Variants in TMPO observed in about 807,000 individuals in gnomAD.
The protein encoded by TMPO is LEM domain containing 4.
Under a neutral mutation model 45.4 loss-of-function variants are expected in TMPO, and 22 were observed. The observed-to-expected ratio is 0.48, with a 90% CI of 0.35 to 0.69. The LOEUF (loss-of-function observed/expected upper bound fraction) is 0.69, where lower values mean the gene tolerates loss of function less well. Ranked by LOEUF, TMPO falls within the 30% of genes least tolerant of loss-of-function variation. The pLI, the probability that TMPO is intolerant of heterozygous loss-of-function variation, is 0.01. For missense variants in TMPO, 512 were observed against 548.8 expected (o/e 0.93, Z 0.67); for synonymous variants, 241 against 204.1 (o/e 1.18, Z -1.54).
rs988314179 is a variant in TMPO at position 98,544,991 on chromosome 12, C to T, written c.920C>T (p.Pro307Leu). Residue 307 changes from proline to leucine, a missense_variant, in exon 7 of 9, where the codon CCT (proline) becomes CTT (leucine). Physicochemically the swap from Pro to Leu is moderately conservative, Grantham distance 98. This residue lies in a region of TMPO where 209 missense variants were observed against 235.1 expected (regional missense o/e 0.89). Coordinates refer to ENST00000556029, the MANE Select transcript of TMPO (RefSeq NM_001032283.3). ...RVTGNFKHAS[P>L]ILPITEFSDI... ...ACTGGAAATTTCAAGCATGCATCTC[C>T]TATTCTGCCAATCACTGAATTCTCA... is the stretch of plus-strand genomic sequence containing the variant. 6 of 1,613,558 alleles carry T rather than the reference C, an allele frequency of 3.7e-6. No homozygotes were observed. The African/African-American group carries it at 6.7e-5, about 18-fold the overall frequency.
At chr12:98,518,470 C>CTTTTT (rs11437786) in intron 1 of TMPO, among the ~76,000 whole-genome samples, 1,443 of 83,456 alleles carry the variant, frequency 0.017, 90 homozygotes, top group African/African-American at 0.066. Flanking sequence ...ATTTTCTAAT[C>CTTTTT]TTTTTTTTTT....
At chr12:98,532,785 G>A in intron 3 of TMPO, 1 of 1,613,942 alleles carries the variant, frequency 6.2e-7, no homozygotes. Flanking sequence ...CTCAAACACA[G>A]GTAATGCTTA....
intron 1 of TMPO, among the ~76,000 whole-genome samples, chr12:98,519,333 G>C (rs897301436): frequency 1.3e-5 from 2 of 152,106 alleles, no homozygotes; most frequent in Non-Finnish European, 2.9e-5. Flanking sequence ...CGAGTAGCTG[G>C]GATTACAGGC....
intron 3 of TMPO, among the ~76,000 whole-genome samples, chr12:98,532,662 C>A (rs1877277482): frequency 6.6e-6 from 1 of 152,082 alleles, no homozygotes; most frequent in South Asian, 2.1e-4. Flanking sequence ...TTGTTTATAT[C>A]TCAATAAGCT....
At position 98,531,715 on chromosome 12, in the gene TMPO, A is replaced by C. The variant is rs781760774; in HGVS notation, c.442A>C (p.Lys148Gln). ...GAAGCTATATGAGAAAAAGCTTTTGAAACTGAGGGAACAAGGAACAGAATC... is the reference window on the plus strand; with the variant it reads ...GAAGCTATATGAGAAAAAGCTTTTGCAACTGAGGGAACAAGGAACAGAATC... ...TRKLYEKKLL[K>Q]LREQGTESRS... Residue 148 changes from lysine to glutamine, a missense_variant, in exon 3 of 9, where the codon AAA becomes CAA. Lys to Gln is a moderately conservative substitution (Grantham distance 53). Transcript: ENST00000556029. 8.1e-6 allele frequency: 13 copies of C among 1,613,132 alleles called. No individual in the cohort carries two copies. In the South Asian group the frequency reaches 1.4e-4, roughly 18 times the overall value.
chr12:98,520,102 G>A (rs1272615573), intron 1 of TMPO, among the ~76,000 whole-genome samples: 3 of 147,910 alleles, frequency 2.0e-5, no homozygotes, highest in African/African-American at 7.5e-5. Context: ...TGGGATTACA[G>A]GTGCCCACCA....
chr12:98,544,967 C>G lies in TMPO; in HGVS notation c.896C>G (p.Thr299Ser). 6.2e-7 allele frequency: 1 copy of G among 1,612,728 alleles called. No individual in the cohort carries two copies. The highest frequency in any genetic ancestry group is 1.1e-5 in the South Asian group (1 of 91,040). ...TCTTGGCAGGTTGTCAATAGGGTGACTGGAAATTTCAAGCATGCATCTCCT... is the reference window on the plus strand; with the variant it reads ...TCTTGGCAGGTTGTCAATAGGGTGAGTGGAAATTTCAAGCATGCATCTCCT... ...SNESLVVNRV[T>S]GNFKHASPIL... Residue 299 changes from threonine (T) to serine (S), a missense_variant, in exon 7 of 9, where the codon ACT (threonine) becomes AGT (serine). Thr to Ser is a moderately conservative substitution (Grantham distance 58). Transcript: ENST00000556029.
rs794729184 is a variant in TMPO, at chr12:98,516,099, G to C, written c.232G>C (p.Gly78Arg). ...DEEREPTPVL[G>R]SGAAAAGRSR... ...AGAGCGCGAGCCCACCCCGGTCCTC[G>C]GCTCTGGGGCCGCCGCCGCGGGCCG... The change falls in exon 1 of 9, where the codon GGC becomes CGC. Residue 78 changes from glycine (G) to arginine (R), a missense_variant. Physicochemically the swap from Gly to Arg is moderately radical, Grantham distance 125. Coordinates refer to ENST00000556029, the MANE Select transcript of TMPO (RefSeq NM_001032283.3). 1.9e-6 allele frequency: 3 copies of C among 1,562,478 alleles called. No homozygotes were observed. Among genetic ancestry groups the C allele is most frequent in the Non-Finnish European group, 2.6e-6 (3 of 1,161,526 alleles).
At position 98,549,789 on chromosome 12, in the gene TMPO, T is replaced by G. The variant is rs1019776972; in HGVS notation, c.*1931T>G. 1 of 149,860 alleles carries G rather than the reference T, an allele frequency of 6.7e-6. No individual in the cohort carries two copies. The highest frequency in any genetic ancestry group is 2.4e-5 in the African/African-American group (1 of 40,850). The allele number at this position is 149,860 out of a possible 1,614,324, so 9.3% of individuals were successfully genotyped here. A position where few individuals can be genotyped will look rare whatever the true frequency, so the allele number is the denominator to read the frequency against. ...TATTCTAATATTTAGCTTTTAGATC[T>G]TTCATACACATTTTCACGTACTTTG... On this transcript the variant is annotated 3_prime_UTR_variant, in exon 9 of 9. Coordinates refer to ENST00000556029, the MANE Select transcript of TMPO (RefSeq NM_001032283.3).
At chr12:98,545,819 G>GC (rs1218846337) in intron 7 of TMPO, among the ~76,000 whole-genome samples, 1 of 151,700 alleles carries the variant, frequency 6.6e-6, no homozygotes, top group Admixed American at 6.6e-5. Flanking sequence ...TGCAACCTCC[G>GC]CCTCCTGGGT....
chr12:98,523,265 CAT>C lies in TMPO; in HGVS notation c.280-4620_280-4619del, dbSNP rs543961127. On this transcript the variant is annotated intron_variant, in intron 1 of 8. Coordinates refer to ENST00000556029, the MANE Select transcript of TMPO (RefSeq NM_001032283.3). ...TTTTTTCCTGACAGATTAAAAACCA[CAT>C]GTTTGACTGTGTGCAGTGGCTCACA... 1.4e-4 allele frequency among the ~76,000 whole-genome samples: 22 copies of C among 152,212 alleles called. No homozygotes were observed. The South Asian group carries it at 3.7e-3, about 26-fold the overall frequency.
chr12:98,545,031 A>G lies in TMPO; in HGVS notation c.960A>G (p.Arg320=), dbSNP rs1378100489. The stretch of plus-strand genomic sequence containing the variant: ...CTGAATTCTCAGACATACCCAGAAG[A>G]GCACCAAAGAAACCATTGACAAGAG... ...PITEFSDIPR[R]APKKPLTRAE... The change falls in exon 7 of 9, where the codon AGA becomes AGG. Residue 320 remains arginine (R), a synonymous_variant. Transcript: ENST00000556029. The G allele has an allele frequency of 5.0e-6, 8 of 1,613,702 alleles. No individual in the cohort carries two copies. The highest frequency in any genetic ancestry group is 6.8e-6 in the Non-Finnish European group (8 of 1,179,812).
Position 98,547,998 on chromosome 12 carries a change from A to C in TMPO, c.*140A>C. Reference sequence around the variant, plus strand: ...AATGTAGTATTTCATTGAAAAGCAAACAAAATATATATAAATGGACTTCAT... The same window carrying C: ...AATGTAGTATTTCATTGAAAAGCAACCAAAATATATATAAATGGACTTCAT... On this transcript the variant is annotated 3_prime_UTR_variant, in exon 9 of 9. Transcript: ENST00000556029. 1 of 967,666 alleles carries C rather than the reference A, an allele frequency of 1.0e-6. No homozygotes were observed. Among genetic ancestry groups the C allele is most frequent in the Non-Finnish European group, 1.5e-6 (1 of 651,402 alleles). 59.9% of individuals were successfully genotyped at this position (967,666 alleles called of 1,614,324 possible).
At position 98,518,470 on chromosome 12, in the gene TMPO, C is replaced by CTTTTTTT. The variant is rs11437786; in HGVS notation, c.279+2342_279+2348dup. Among the ~76,000 whole-genome samples, 670 of 83,448 alleles carry CTTTTTTT rather than the reference C, an allele frequency of 8.0e-3. 33 individuals carry two copies. The highest frequency in any genetic ancestry group is 0.024 in the African/African-American group (466 of 19,754). 54.7% of individuals were successfully genotyped at this position (83,448 alleles called of 152,430 possible). On this transcript the variant is annotated intron_variant, in intron 1 of 8. Transcript: ENST00000556029. ...CGCTACACCCGGCTAATTTTCTAAT[C>CTTTTTTT]TTTTTTTTTTTTTTTTTTTTTTTTG...
At chr12:98,534,892 A>T in intron 3 of TMPO, 1 of 983,320 alleles carries the variant, frequency 1.0e-6, no homozygotes, top group Non-Finnish European at 1.2e-6. Context: ...ATGCAACTCA[A>T]AGCACCAGTC....
intron 3 of TMPO, chr12:98,534,484 A>G: frequency 1.3e-6 from 2 of 1,490,558 alleles, no homozygotes; most frequent in Non-Finnish European, 1.8e-6. Context: ...ACAGTATAAA[A>G]GTAATTGCCT....
At chr12:98,535,801 G>C (rs1328037911) in intron 3 of TMPO, among the ~76,000 whole-genome samples, 1 of 152,030 alleles carries the variant, frequency 6.6e-6, no homozygotes, top group Non-Finnish European at 1.5e-5. Context: ...TTTTTCTTCT[G>C]TTTGAGGACC....
intron 1 of TMPO, among the ~76,000 whole-genome samples, chr12:98,518,470 C>CTTTTTTTTTTTTTTTTTTTTTTTT (rs11437786): frequency 1.2e-5 from 1 of 83,538 alleles, no homozygotes; most frequent in Non-Finnish European, 2.2e-5. Flanking sequence ...ATTTTCTAAT[C>CTTTTTTTTTTTTTTTTTTTTTTTT]TTTTTTTTTT....
intron 3 of TMPO, chr12:98,533,347 G>A: frequency 1.2e-6 from 2 of 1,614,116 alleles, no homozygotes; most frequent in South Asian, 2.2e-5. Flanking sequence ...AGAAGAGTCT[G>A]AGAGCTCACA....
Sources: allele counts gnomAD v4.1 joint callset (sites outside exome capture counted in the v4.1 genomes callset), GRCh38; gene constraint gnomAD v4.1.1; regional missense constraint gnomAD v4.1.1; transcripts MANE v1.5; gene names NCBI Gene and HGNC (gene_info 2026-07-23, HGNC 2026-07-21).